Variants in ACSM5 observed in about 807,000 individuals in gnomAD.
ACSM5 encodes the protein acyl-CoA synthetase medium chain family member 5.
A neutral mutation model predicts 71.6 loss-of-function variants in ACSM5; 56 were observed. That is an observed-to-expected ratio of 0.78 (90% CI 0.63 to 0.98). The LOEUF (loss-of-function observed/expected upper bound fraction) is 0.98, where lower values mean the gene tolerates loss of function less well. Ranked by LOEUF, ACSM5 falls within the 50% of genes least tolerant of loss-of-function variation. The pLI, the probability that ACSM5 is intolerant of heterozygous loss-of-function variation, is 0.00. For missense variants in ACSM5, 723 were observed against 726.0 expected (o/e 1.00, Z 0.05); for synonymous variants, 285 against 281.5 (o/e 1.01, Z -0.12).
At chr16:20,413,381 A>C (rs1966851074) in intron 2 of ACSM5, among the ~76,000 whole-genome samples, 1 of 152,198 alleles carries the variant, frequency 6.6e-6, no homozygotes, top group Non-Finnish European at 1.5e-5. Flanking sequence ...AGCTTCACTT[A>C]TGAAGAACTG....
rs1190860925 is a variant in ACSM5 at position 20,441,286 on chromosome 16, G to C, written c.*859G>C. ...ACATTTCTGTATTTTCCAAGTTTTT[G>C]TACGAAGCACATACAACTATTTTAA... On this transcript the variant is annotated 3_prime_UTR_variant, in exon 14 of 14. Transcript: ENST00000331849. 1 of 152,052 alleles carries C rather than the reference G, an allele frequency of 6.6e-6. No individual in the cohort carries two copies. The highest frequency in any genetic ancestry group is 1.5e-5 in the Non-Finnish European group (1 of 68,008). The allele number at this position is 152,052 out of a possible 1,614,324, so 9.4% of individuals were successfully genotyped here. A position where few individuals can be genotyped will look rare whatever the true frequency, so the allele number is the denominator to read the frequency against.
intron 7 of ACSM5, among the ~76,000 whole-genome samples, chr16:20,428,222 T>C (rs1364097287): frequency 6.6e-6 from 1 of 152,214 alleles, no homozygotes; most frequent in Non-Finnish European, 1.5e-5. Context: ...GCAGTGTGTC[T>C]GCTACTTCTG....
At chr16:20,436,319 C>CCCAGG (rs2141661469) in intron 10 of ACSM5, among the ~76,000 whole-genome samples, 2 of 145,268 alleles carry the variant, frequency 1.4e-5, no homozygotes, top group East Asian at 4.5e-4. Context: ...TGCCCTGTAG[C>CCCAGG]CCAGGCTGCA....
chr16:20,437,609 C>T (rs1372270319), intron 12 of ACSM5, among the ~76,000 whole-genome samples: 2 of 133,162 alleles, frequency 1.5e-5, no homozygotes, highest in Non-Finnish European at 3.1e-5. Context: ...CCCAGAGAGG[C>T]TGGCTATGGG....
intron 5 of ACSM5, among the ~76,000 whole-genome samples, chr16:20,421,637 A>G (rs750043436): frequency 0.045 from 6,359 of 141,022 alleles, 272 homozygotes; most frequent in Middle Eastern, 0.062. Flanking sequence ...ATATATATAT[A>G]TATATATATA....
At chr16:20,417,990 A>G in intron 2 of ACSM5, 69 bp from the exon 3 acceptor site, 1 of 1,440,560 alleles carries the variant, frequency 6.9e-7, no homozygotes, top group Non-Finnish European at 9.5e-7. Flanking sequence ...TAAAACATTA[A>G]ACAGCAACAA....
chr16:20,416,755 T>C (rs111794557), intron 2 of ACSM5, among the ~76,000 whole-genome samples: 6,733 of 152,106 alleles, frequency 0.044, 157 homozygotes, highest in South Asian at 0.058. Flanking sequence ...TATATCAAAG[T>C]AAAAAGCTCA....
intron 12 of ACSM5, among the ~76,000 whole-genome samples, 190 bp downstream of exon 12, chr16:20,437,557 G>A (rs1355530780): frequency 6.6e-6 from 1 of 151,472 alleles, no homozygotes; most frequent in Non-Finnish European, 1.5e-5. Context: ...GGACATAATG[G>A]GAAAACACCA....
At chr16:20,435,555 G>A (rs552030421) in intron 10 of ACSM5, among the ~76,000 whole-genome samples, 2 of 152,058 alleles carry the variant, frequency 1.3e-5, no homozygotes, top group Admixed American at 6.5e-5. Context: ...ACACATGTCC[G>A]CCCCTGTGTA....
At chr16:20,438,273 C>A (rs1967242391) in intron 12 of ACSM5, among the ~76,000 whole-genome samples, 1 of 151,964 alleles carries the variant, frequency 6.6e-6, no homozygotes, top group African/African-American at 2.4e-5. Context: ...GCAACATTAG[C>A]CTGCATTCTC....
chr16:20,427,197 G>A (rs1268788086), intron 6 of ACSM5, among the ~76,000 whole-genome samples: 1 of 152,040 alleles, frequency 6.6e-6, no homozygotes, highest in East Asian at 1.9e-4. Flanking sequence ...GCTACTCAGG[G>A]GTCTGAGGCA....
intron 1 of ACSM5, among the ~76,000 whole-genome samples, chr16:20,411,010 G>T (rs944764779): frequency 2.0e-5 from 3 of 152,152 alleles, no homozygotes; most frequent in Admixed American, 2.0e-4. Flanking sequence ...GCTCTATCTG[G>T]TTAAATAAAA....
chr16:20,426,206 CTCA>C (rs1338853762), intron 6 of ACSM5, among the ~76,000 whole-genome samples: 1 of 152,222 alleles, frequency 6.6e-6, no homozygotes, highest in Non-Finnish European at 1.5e-5. Context: ...CATGATCAAA[CTCA>C]TCACCATCAT....
intron 10 of ACSM5, among the ~76,000 whole-genome samples, chr16:20,433,802 T>C (rs1967145109): frequency 6.6e-6 from 1 of 151,386 alleles, no homozygotes; most frequent in East Asian, 1.9e-4. Flanking sequence ...GCCTCCTGAG[T>C]AGCTGGAACT....
chr16:20,411,591 T>C lies in ACSM5; in HGVS notation c.107T>C (p.Val36Ala). The C allele has an allele frequency of 1.2e-6, 2 of 1,614,172 alleles. No individual in the cohort carries two copies. Among genetic ancestry groups the C allele is most frequent in the Middle Eastern group, 1.6e-4 (1 of 6,062 alleles). ...CCTCTACCTGTTCCTCAGAAGATCG[T>C]GGCCACCTGGGAAGCCATCAGCCTG... ...PAPLPVPQKI[V>A]ATWEAISLGR... Residue 36 changes from valine to alanine, a missense_variant, in exon 2 of 14, where the codon GTG (valine) becomes GCG (alanine). By Grantham distance (64) the Val-to-Ala change is moderately conservative (BLOSUM62 0). Coordinates refer to ENST00000331849, the MANE Select transcript of ACSM5 (RefSeq NM_017888.3).
rs768927709 is a variant in ACSM5, at chr16:20,431,334, G to A, written c.1308+13G>A. On this transcript the variant is annotated intron_variant, in intron 10 of 13. Transcript: ENST00000331849. The stretch of plus-strand genomic sequence containing the variant: ...CAATTGCTATTTGGTAAGAGACGGG[G>A]AACAGCCGTTCTCATGACAGTGACT... 6.2e-7 allele frequency: 1 copy of A among 1,600,242 alleles called. No homozygotes were observed. Among genetic ancestry groups the A allele is most frequent in the South Asian group, 1.1e-5 (1 of 90,826 alleles).
intron 10 of ACSM5, among the ~76,000 whole-genome samples, chr16:20,433,620 G>A (rs956186244): frequency 6.6e-6 from 1 of 152,022 alleles, no homozygotes; most frequent in African/African-American, 2.4e-5. Flanking sequence ...AAAGAATCCA[G>A]GAATTTGTTC....
chr16:20,433,876 C>T (rs1967146963), intron 10 of ACSM5, among the ~76,000 whole-genome samples: 1 of 146,382 alleles, frequency 6.8e-6, no homozygotes, highest in Non-Finnish European at 1.5e-5. Flanking sequence ...GGGGTTTCAC[C>T]ATGTTGCCTA....
chr16:20,409,895 G>A (rs1196944400), intron 1 of ACSM5, among the ~76,000 whole-genome samples: 1 of 94,272 alleles, frequency 1.1e-5, no homozygotes, highest in Non-Finnish European at 1.9e-5. Flanking sequence ...GGTGAGGGGC[G>A]GGAGAGGTGA....
Sources: allele counts gnomAD v4.1 joint callset (sites outside exome capture counted in the v4.1 genomes callset), GRCh38; gene constraint gnomAD v4.1.1; transcripts MANE v1.5; gene names NCBI Gene and HGNC (gene_info 2026-07-23, HGNC 2026-07-21).